LDB2: variants seen among roughly 807,000 people sequenced by gnomAD.
LDB2 encodes LIM domain binding 2, also known as LIM domain-binding protein 2.
LDB2 carries 12 observed loss-of-function variants against 44.3 expected under a neutral mutation model. That is an observed-to-expected ratio of 0.27 (90% CI 0.17 to 0.44). The LOEUF (loss-of-function observed/expected upper bound fraction) is 0.44. Among genes scored for constraint, LDB2 ranks in the 20% least tolerant of loss-of-function variants. The probability of loss-of-function intolerance (pLI) is 1.00; values close to 1 mark genes in which losing one functional copy is unlikely to be tolerated. For missense variants in LDB2, 344 were observed against 473.5 expected, an observed-to-expected ratio of 0.73 and a Z score of 2.54; for synonymous variants, 164 against 174.8, an observed-to-expected ratio of 0.94 and a Z score of 0.49.
chr4:16,769,922 T>A (rs1770277418), intron 1 of LDB2, among the ~76,000 whole-genome samples: 3 of 152,186 alleles, frequency 2.0e-5, no homozygotes. Context: ...AGACTTGGTA[T>A]CCAGTAGACA....
intron 5 of LDB2, among the ~76,000 whole-genome samples, chr4:16,572,240 T>C (rs1227476965): frequency 6.6e-6 from 1 of 152,198 alleles, no homozygotes; most frequent in African/African-American, 2.4e-5. Flanking sequence ...TTTGTTTTTG[T>C]TTTTTAACCA....
chr4:16,692,845 T>C (rs1302346727), intron 2 of LDB2, among the ~76,000 whole-genome samples: 7 of 152,240 alleles, frequency 4.6e-5, no homozygotes. Context: ...CTGGCCTATA[T>C]GTACACATGA....
intron 2 of LDB2, among the ~76,000 whole-genome samples, chr4:16,672,073 G>T (rs1374515403): frequency 6.6e-6 from 1 of 152,136 alleles, no homozygotes; most frequent in Admixed American, 6.5e-5. Context: ...CAGCAACCAT[G>T]ACCCTTTACT....
intron 1 of LDB2, among the ~76,000 whole-genome samples, chr4:16,800,082 T>C (rs1777499317): frequency 6.6e-6 from 1 of 151,582 alleles, no homozygotes; most frequent in South Asian, 2.1e-4. Flanking sequence ...CAAACGAGAG[T>C]GGCGGAGCTG....
At chr4:16,570,315 T>C (rs983047246) in intron 5 of LDB2, among the ~76,000 whole-genome samples, 1 of 150,674 alleles carries the variant, frequency 6.6e-6, no homozygotes. Flanking sequence ...TACAAAAAAT[T>C]AGCTGGGTGT....
chr4:16,844,992 C>T (rs767182148), intron 1 of LDB2, among the ~76,000 whole-genome samples: 1 of 152,194 alleles, frequency 6.6e-6, no homozygotes, highest in Admixed American at 6.5e-5. Flanking sequence ...GCAGATGCAG[C>T]GGAATCTACT....
In LDB2 at chr4:16,804,876, G is replaced by A. The variant is rs141253348; in HGVS notation, c.133-45616C>T. On this transcript the variant is annotated intron_variant, in intron 1 of 7. Coordinates refer to ENST00000304523, the MANE Select transcript of LDB2 (RefSeq NM_001290.5). ...ATAACAAAGTGCAATAGACTGGGTA[G>A]TATTTTGGCTTAAGCAAAAGAAATT... 2.3e-4 allele frequency among the ~76,000 whole-genome samples: 35 copies of A among 152,302 alleles called. 1 individual carries two copies. The highest frequency in any genetic ancestry group is 6.0e-4 in the African/African-American group (25 of 41,570).
chr4:16,547,702 G>A (rs1474154358), intron 5 of LDB2, among the ~76,000 whole-genome samples: 1 of 152,136 alleles, frequency 6.6e-6, no homozygotes, highest in African/African-American at 2.4e-5. Context: ...GTGGGAGGGA[G>A]GGGCCCAGCA....
chr4:16,580,273 G>A (rs1713840474), intron 5 of LDB2, among the ~76,000 whole-genome samples: 1 of 152,172 alleles, frequency 6.6e-6, no homozygotes, highest in Admixed American at 6.5e-5. Context: ...GTGTACAAAT[G>A]AAAGAAGGTG....
chr4:16,782,239 A>G (rs1773417686), intron 1 of LDB2, among the ~76,000 whole-genome samples: 1 of 150,834 alleles, frequency 6.6e-6, no homozygotes, highest in South Asian at 2.1e-4. Flanking sequence ...CTCCATCTCC[A>G]CTCTGAATTC....
intron 2 of LDB2, among the ~76,000 whole-genome samples, chr4:16,633,544 A>G (rs1048170516): frequency 6.6e-6 from 1 of 152,166 alleles, no homozygotes; most frequent in Non-Finnish European, 1.5e-5. Flanking sequence ...ACCTAGGAAT[A>G]CAACTTACAA....
intron 5 of LDB2, among the ~76,000 whole-genome samples, chr4:16,543,808 C>T (rs1288246876): frequency 6.6e-6 from 1 of 152,022 alleles, no homozygotes; most frequent in African/African-American, 2.4e-5. Flanking sequence ...AAAGAAACTA[C>T]CATCAGAGTG....
chr4:16,803,871 T>C (rs1288636874), intron 1 of LDB2, among the ~76,000 whole-genome samples: 2 of 152,232 alleles, frequency 1.3e-5, no homozygotes, highest in Admixed American at 6.5e-5. Flanking sequence ...TTTTACTTTT[T>C]AAAAAATATA....
intron 1 of LDB2, among the ~76,000 whole-genome samples, chr4:16,835,528 A>G (rs565524730): frequency 6.6e-6 from 1 of 152,124 alleles, no homozygotes; most frequent in Non-Finnish European, 1.5e-5. Flanking sequence ...TTTCCCTGCC[A>G]TGGTTTCTGA....
chr4:16,685,943 T>C (rs1276602206), intron 2 of LDB2, among the ~76,000 whole-genome samples: 1 of 152,114 alleles, frequency 6.6e-6, no homozygotes, highest in Non-Finnish European at 1.5e-5. Flanking sequence ...TCCTAGCTAC[T>C]CTGGAGGCTG....
chr4:16,665,491 T>C (rs1742846175), intron 2 of LDB2, among the ~76,000 whole-genome samples: 1 of 152,124 alleles, frequency 6.6e-6, no homozygotes, highest in Non-Finnish European at 1.5e-5. Context: ...GGCCTCGATC[T>C]CCTGACCTCA....
Position 16,505,377 on chromosome 4 carries a change from A to G in LDB2, c.892-2504T>C, listed in dbSNP as rs1042686884. Among the ~76,000 whole-genome samples the G allele has an allele frequency of 7.9e-5, 12 of 151,176 alleles. No homozygotes were observed. In the East Asian group the frequency reaches 2.1e-3, roughly 27 times the overall value. On this transcript the variant is annotated intron_variant, in intron 7 of 7. Coordinates refer to ENST00000304523, the MANE Select transcript of LDB2 (RefSeq NM_001290.5). Reference sequence around the variant, plus strand: ...AGAGAGAGCGTGTGTGTGTGTGTGTATGTGTTTGTGTGCGTGCATAATTGA... The same window carrying G: ...AGAGAGAGCGTGTGTGTGTGTGTGTGTGTGTTTGTGTGCGTGCATAATTGA...
At chr4:16,812,641 G>A in intron 1 of LDB2, among the ~76,000 whole-genome samples, 1 of 141,136 alleles carries the variant, frequency 7.1e-6, no homozygotes, top group African/African-American at 2.9e-5. Flanking sequence ...ATGTGTGTGT[G>A]TGTGTGTGTG....
chr4:16,557,916 C>T (rs907551954), intron 5 of LDB2, among the ~76,000 whole-genome samples: 16 of 152,334 alleles, frequency 1.1e-4, no homozygotes, highest in Admixed American at 6.5e-4. Flanking sequence ...CACGAAACTC[C>T]GCTGTTCTGC....
Sources: allele counts gnomAD v4.1 joint callset (sites outside exome capture counted in the v4.1 genomes callset), GRCh38; gene constraint gnomAD v4.1.1; transcripts MANE v1.5; gene names NCBI Gene and HGNC (gene_info 2026-07-23, HGNC 2026-07-21).